Variants in SH3D21 observed in about 807,000 individuals in gnomAD.
SH3D21 encodes SH3 domain-containing protein 21.
A neutral mutation model predicts 82.1 loss-of-function variants in SH3D21; 83 were observed. The observed-to-expected ratio is 1.01, with a 90% CI of 0.85 to 1.21. The LOEUF is 1.21. SH3D21 is among the 50% of genes most tolerant of loss of function. SH3D21 has a pLI of 0.00. For missense variants in SH3D21, 980 were observed against 962.1 expected (o/e 1.02, Z -0.25); for synonymous variants, 383 against 387.8 (o/e 0.99, Z 0.15).
At chr1:36,308,087 C>T (rs1011782117) in intron 7 of SH3D21, 22 bp from the exon 8 acceptor site, 2 of 1,544,860 alleles carry the variant, frequency 1.3e-6, no homozygotes, top group Non-Finnish European at 1.8e-6. Context: ...CTTCAGAGGA[C>T]AGTGGACTGA....
chr1:36,313,842 G>T (rs906945043), intron 10 of SH3D21, among the ~76,000 whole-genome samples: 2 of 151,822 alleles, frequency 1.3e-5, no homozygotes, highest in Non-Finnish European at 2.9e-5. Context: ...TGGGATTACA[G>T]TTGTGAGGCA....
rs754308426 is a variant in SH3D21, at chr1:36,320,409, C to A, written c.1746C>A (p.His582Gln). The A allele has an allele frequency of 4.3e-6, 7 of 1,613,578 alleles. No homozygotes were observed. The highest frequency in any genetic ancestry group is 1.3e-5 in the African/African-American group (1 of 75,030). ...SRPALEKPHP[H>Q]EEATTLPEEA... is the part of the protein sequence containing the mutation. ...CTGCCCTTGAGAAGCCCCACCCCCA[C>A]GAAGAGGCTACAACCCTTCCAGAGG... Residue 582 changes from histidine to glutamine, a missense_variant, in exon 14 of 16, where the codon CAC (histidine) becomes CAA (glutamine). By Grantham distance (24) the His-to-Gln change is conservative. Coordinates refer to ENST00000453908, the MANE Select transcript of SH3D21 (RefSeq NM_001162530.2).
Position 36,321,295 on chromosome 1 carries a change from C to T in SH3D21, c.*168C>T. Reference sequence around the variant, plus strand: ...GGGCAGGGCCTGGGCCTCCGCATTCCTGACGGTCCCTCCCAGGCACATCTG... The same window carrying T: ...GGGCAGGGCCTGGGCCTCCGCATTCTTGACGGTCCCTCCCAGGCACATCTG... On this transcript the variant is annotated 3_prime_UTR_variant, in exon 16 of 16. Transcript: ENST00000453908. This position sits in a 1 kb window ranked among gnomAD's most constrained non-coding sequence, Gnocchi z 6.1. 1.4e-6 allele frequency: 2 copies of T among 1,441,932 alleles called. No individual in the cohort carries two copies. The highest frequency in any genetic ancestry group is 1.8e-6 in the Non-Finnish European group (2 of 1,103,438). 89.3% of individuals were successfully genotyped at this position (1,441,932 alleles called of 1,614,324 possible).
chr1:36,320,467 G>C lies in SH3D21; in HGVS notation c.1804G>C (p.Glu602Gln). Residue 602 changes from glutamate to glutamine, a missense_variant, in exon 14 of 16, where the codon GAG becomes CAG. Coordinates refer to ENST00000453908, the MANE Select transcript of SH3D21 (RefSeq NM_001162530.2). Reference sequence around the variant, plus strand: ...TTCCAATGACGAGAGGACCCCTGAAGAGGAGGCGCCCCCCAACGAGCAGAG... The same window carrying C: ...TTCCAATGACGAGAGGACCCCTGAACAGGAGGCGCCCCCCAACGAGCAGAG... ...APSNDERTPEEEAPPNEQRPL... is the reference protein window; with the variant it reads ...APSNDERTPEQEAPPNEQRPL... 6.2e-7 allele frequency: 1 copy of C among 1,613,618 alleles called. No individual in the cohort carries two copies. The highest frequency in any genetic ancestry group is 2.2e-5 in the East Asian group (1 of 44,862).
At chr1:36,320,893 T>A (rs1359147686) in intron 14 of SH3D21, 22 bp from the exon 15 acceptor site, 1 of 1,556,074 alleles carries the variant, frequency 6.4e-7, no homozygotes, top group Non-Finnish European at 8.7e-7. Context: ...GCCCAGCCCC[T>A]CACCTCCGCC....
chr1:36,309,693 T>C, intron 10 of SH3D21, 103 bp downstream of exon 10: 1 of 1,292,872 alleles, frequency 7.7e-7, no homozygotes, highest in Non-Finnish European at 1.1e-6. Flanking sequence ...AGTATGCCCC[T>C]ATAGGAGCCC....
In SH3D21 at chr1:36,307,738, G is replaced by C; in HGVS notation, c.437-32G>C. The C allele has an allele frequency of 6.5e-7, 1 of 1,549,100 alleles. No individual in the cohort carries two copies. The highest frequency in any genetic ancestry group is 1.2e-5 in the South Asian group (1 of 83,650). Reference sequence around the variant, plus strand: ...CTCCCATGACCTAACCTGTGAATTAGCACCCTCCCTAACCTCACTGTCCCC... The same window carrying C: ...CTCCCATGACCTAACCTGTGAATTACCACCCTCCCTAACCTCACTGTCCCC... On this transcript the variant is annotated intron_variant, in intron 5 of 15. Coordinates refer to ENST00000453908, the MANE Select transcript of SH3D21 (RefSeq NM_001162530.2). This position sits in a 1 kb window ranked among gnomAD's most constrained non-coding sequence, Gnocchi z 5.4.
At chr1:36,322,473 G>T (rs746542181), downstream of SH3D21, 1 of 1,604,378 alleles carries the variant, frequency 6.2e-7, no homozygotes, top group Non-Finnish European at 8.5e-7. Context: ...GACGTTGAGG[G>T]GCCCGTCCGG....
chr1:36,322,208 G>T, downstream of SH3D21: 1 of 1,394,652 alleles, frequency 7.2e-7, no homozygotes, highest in Non-Finnish European at 9.3e-7. Flanking sequence ...AGCTGTGGGG[G>T]CCGAGGCAGT....
At position 36,320,834 on chromosome 1, in the gene SH3D21, G is replaced by A. The variant is rs370304785; in HGVS notation, c.2135+36G>A. 2,665 of 1,549,878 alleles carry A rather than the reference G, an allele frequency of 1.7e-3. 3 individuals carry two copies. The highest frequency in any genetic ancestry group is 2.0e-3 in the Non-Finnish European group (2,326 of 1,146,456). On this transcript the variant is annotated intron_variant, in intron 14 of 15. Coordinates refer to ENST00000453908, the MANE Select transcript of SH3D21 (RefSeq NM_001162530.2). ...AGTGGCGGGGGTTGTGGAAGGTAGG[G>A]TTCCCCCTAGCCCTCACCTGCGCAG...
At chr1:36,321,573 G>A, downstream of SH3D21, 1 of 810,312 alleles carries the variant, frequency 1.2e-6, no homozygotes, top group Non-Finnish European at 1.6e-6. This position sits in a 1 kb window ranked among gnomAD's most constrained non-coding sequence, Gnocchi z 6.1. Context: ...CTCCCTGTCC[G>A]CTCAGAGGGA....
Position 36,307,547 on chromosome 1 carries a change from A to T in SH3D21, c.376A>T (p.Asn126Tyr). The T allele has an allele frequency of 6.4e-7, 1 of 1,551,642 alleles. No individual in the cohort carries two copies. Residue 126 changes from asparagine to tyrosine, a missense_variant, in exon 5 of 16, where the codon AAC becomes TAC. Transcript: ENST00000453908. The surrounding 1 kb of genome is among the most constrained non-coding windows in gnomAD (Gnocchi z 5.4). ...GGACGGCTGGTGGCTGGGGAAGAAG[A>T]ACGGGCAGCTGGGAGCCTTCCCATC... ...IEDGWWLGKK[N>Y]GQLGAFPSNF...
At chr1:36,318,277 A>T (rs1242382974) in intron 10 of SH3D21, among the ~76,000 whole-genome samples, 1 of 152,102 alleles carries the variant, frequency 6.6e-6, no homozygotes, top group Admixed American at 6.6e-5. Context: ...GAAGCAAGAG[A>T]TTGGTTTGGG....
At chr1:36,322,800 T>C (rs746798396), downstream of SH3D21, 35 of 1,503,804 alleles carry the variant, frequency 2.3e-5, no homozygotes, top group Non-Finnish European at 3.2e-5. Context: ...AGACCCCAGG[T>C]TCTAGGTGTG....
At chr1:36,321,381 G>A (rs1035782476), downstream of SH3D21, 15 of 1,284,638 alleles carry the variant, frequency 1.2e-5, no homozygotes, top group Admixed American at 3.2e-5. The surrounding 1 kb of genome is among the most constrained non-coding windows in gnomAD (Gnocchi z 6.1). Context: ...TTATCCACCG[G>A]ATGGTGAGGG....
At position 36,307,766 on chromosome 1, in the gene SH3D21, C is replaced by G; in HGVS notation, c.437-4C>G. 1 of 1,551,718 alleles carries G rather than the reference C, an allele frequency of 6.4e-7. No homozygotes were observed. ...CCCTCCCTAACCTCACTGTCCCCCACTAGGCCTTGGTAACCCAGACATGCC... is the reference window on the plus strand; with the variant it reads ...CCCTCCCTAACCTCACTGTCCCCCAGTAGGCCTTGGTAACCCAGACATGCC... On this transcript the variant is annotated splice_region_variant and splice_polypyrimidine_tract_variant and intron_variant, in intron 5 of 15. Transcript: ENST00000453908. The surrounding 1 kb of genome is among the most constrained non-coding windows in gnomAD (Gnocchi z 5.4).
At chr1:36,316,907 G>A (rs1299382773) in intron 10 of SH3D21, among the ~76,000 whole-genome samples, 1 of 152,010 alleles carries the variant, frequency 6.6e-6, no homozygotes, top group Non-Finnish European at 1.5e-5. Context: ...GGGACTGAAA[G>A]CACTGGGATT....
rs372193031 is a variant in SH3D21, at chr1:36,321,096, G to A, written c.2240G>A (p.Arg747His). ...GGGACCCAGAAGTCCCAGACCCCGC[G>A]CGTCATCCACACGCAGACGCAGACC... ...MQGTQKSQTP[R>H]VIHTQTQTY is the part of the protein sequence containing the mutation. Residue 747 changes from arginine (R) to histidine (H), a missense_variant, in exon 16 of 16, where the codon CGC (arginine) becomes CAC (histidine). Physicochemically the swap from Arg to His is conservative, Grantham distance 29. Transcript: ENST00000453908. The surrounding 1 kb of genome is among the most constrained non-coding windows in gnomAD (Gnocchi z 6.1). The A allele has an allele frequency of 2.5e-6, 4 of 1,612,102 alleles. No homozygotes were observed. In the African/African-American group the frequency reaches 4.0e-5, roughly 16 times the overall value.
rs1220569311 is a variant in SH3D21 at position 36,320,910 on chromosome 1, C to G, written c.2136-5C>G. The G allele has an allele frequency of 2.6e-6, 4 of 1,561,150 alleles. No individual in the cohort carries two copies. Among genetic ancestry groups the G allele is most frequent in the Non-Finnish European group, 3.5e-6 (4 of 1,152,710 alleles). ...CCAGCCCCTCACCTCCGCCTCGGCC[C>G]GCAGGAGGAAGCTGACCGACATCTG... On this transcript the variant is annotated splice_polypyrimidine_tract_variant and splice_region_variant and intron_variant, in intron 14 of 15. Transcript: ENST00000453908.
Sources: gnomAD v4.1 joint callset for allele counts (sites outside exome capture counted in the v4.1 genomes callset) on GRCh38, gnomAD v4.1.1 for gene constraint, Gnocchi (gnomAD v3.1) non-coding constraint, MANE v1.5 for transcripts, NCBI Gene and HGNC (gene_info 2026-07-23, HGNC 2026-07-21) for gene names.